Variants in SLC35F1 observed in about 807,000 individuals in gnomAD.
The protein encoded by SLC35F1 is solute carrier family 35 member F1.
SLC35F1 carries 14 observed loss-of-function variants against 48.7 expected under a neutral mutation model. The ratio of observed to expected loss-of-function variants is 0.29; its 90% confidence interval spans 0.19 to 0.45. SLC35F1 has a LOEUF of 0.45. Ranked by LOEUF, SLC35F1 falls within the 20% of genes least tolerant of loss-of-function variation. SLC35F1 has a pLI of 1.00. For missense variants in SLC35F1, 404 were observed against 500.0 expected (o/e 0.81, Z 1.83); for synonymous variants, 190 against 202.2 (o/e 0.94, Z 0.51).
chr6:118,191,915 T>C (rs891934229), intron 2 of SLC35F1, among the ~76,000 whole-genome samples: 2 of 152,214 alleles, frequency 1.3e-5, no homozygotes, highest in Admixed American at 1.3e-4. Context: ...AAACCAAATA[T>C]TGGTTATAAG....
rs1393590331 is a variant in SLC35F1 at position 118,290,927 on chromosome 6, T to C, written c.1002+5589T>C. ...CTCCTGCCTCAGCCTCCTAAGTAGC[T>C]GGGACTACAGGCACTCGCCACCATG... is the stretch of plus-strand genomic sequence containing the variant. On this transcript the variant is annotated intron_variant, in intron 7 of 7. Coordinates refer to ENST00000360388, the MANE Select transcript of SLC35F1 (RefSeq NM_001029858.4). 3.9e-5 allele frequency among the ~76,000 whole-genome samples: 6 copies of C among 152,150 alleles called. No individual in the cohort carries two copies. In the East Asian group the frequency reaches 1.2e-3, roughly 29 times the overall value.
chr6:118,291,325 T>C (rs1161343420), intron 7 of SLC35F1, among the ~76,000 whole-genome samples: 3 of 132,534 alleles, frequency 2.3e-5, no homozygotes, highest in Non-Finnish European at 4.9e-5. Context: ...TATATATATA[T>C]CTTTGGGAAG....
intron 2 of SLC35F1, among the ~76,000 whole-genome samples, chr6:118,168,872 G>A (rs912347775): frequency 3.3e-5 from 5 of 152,138 alleles, no homozygotes; most frequent in African/African-American, 7.2e-5. Flanking sequence ...GTGAAAACAC[G>A]GTGGAAGATA....
In SLC35F1 at chr6:118,306,233, G is replaced by T. The variant is rs553423799; in HGVS notation, c.1003-7795G>T. On this transcript the variant is annotated intron_variant, in intron 7 of 7. Coordinates refer to ENST00000360388, the MANE Select transcript of SLC35F1 (RefSeq NM_001029858.4). ...CTTTGTTCTGTCTTCCGGCAGAAGC[G>T]TTCTTCTCTCTGACCTTAAATTTTT... 1.6e-4 allele frequency among the ~76,000 whole-genome samples: 25 copies of T among 152,190 alleles called. No individual in the cohort carries two copies. In the East Asian group the frequency reaches 2.1e-3, roughly 13 times the overall value.
intron 1 of SLC35F1, among the ~76,000 whole-genome samples, chr6:118,139,856 C>G (rs1030911867): frequency 2.0e-5 from 3 of 152,094 alleles, no homozygotes; most frequent in Non-Finnish European, 4.4e-5. Context: ...ATCAAAGGAG[C>G]ATTAAATGGC....
chr6:118,268,007 C>T (rs980766000), intron 4 of SLC35F1, among the ~76,000 whole-genome samples: 1 of 152,134 alleles, frequency 6.6e-6, no homozygotes, highest in Admixed American at 6.5e-5. Flanking sequence ...GGAATTGCCC[C>T]TTCTTCTAGG....
At chr6:117,985,127 A>G (rs935264441) in intron 1 of SLC35F1, among the ~76,000 whole-genome samples, 1 of 152,354 alleles carries the variant, frequency 6.6e-6, no homozygotes, top group East Asian at 1.9e-4. Flanking sequence ...AGCTTTTGAT[A>G]CCACATATGT....
At chr6:118,022,450 G>A (rs2114885429) in intron 1 of SLC35F1, among the ~76,000 whole-genome samples, 1 of 152,288 alleles carries the variant, frequency 6.6e-6, no homozygotes, top group African/African-American at 2.4e-5. Flanking sequence ...GGGGAGCAAA[G>A]TGATGACATT....
chr6:118,113,981 A>G (rs1349665158), intron 1 of SLC35F1, among the ~76,000 whole-genome samples: 1 of 152,248 alleles, frequency 6.6e-6, no homozygotes, highest in Non-Finnish European at 1.5e-5. Flanking sequence ...TACTCAGCAT[A>G]ATGTGATACA....
chr6:118,236,684 T>C (rs1386958247), intron 3 of SLC35F1, among the ~76,000 whole-genome samples: 1 of 152,206 alleles, frequency 6.6e-6, no homozygotes, highest in African/African-American at 2.4e-5. Flanking sequence ...CATATGCACG[T>C]TGTGTTCCAA....
chr6:118,164,273 T>G (rs1418064355), intron 2 of SLC35F1, among the ~76,000 whole-genome samples: 1 of 152,212 alleles, frequency 6.6e-6, no homozygotes, highest in Non-Finnish European at 1.5e-5. Flanking sequence ...GGCCATTTTT[T>G]GTTTTACTAT....
chr6:118,087,513 G>GT (rs1262189033), intron 1 of SLC35F1, among the ~76,000 whole-genome samples: 1 of 151,876 alleles, frequency 6.6e-6, no homozygotes, highest in Non-Finnish European at 1.5e-5. Context: ...TTTGTTGTTT[G>GT]TTTAGCCTCT....
chr6:118,279,374 T>C (rs1271770444), intron 6 of SLC35F1, among the ~76,000 whole-genome samples: 1 of 152,208 alleles, frequency 6.6e-6, no homozygotes, highest in Non-Finnish European at 1.5e-5. Flanking sequence ...GCGTTTGGGA[T>C]GTGTTTACAC....
chr6:118,117,867 A>G (rs1167594624), intron 1 of SLC35F1, among the ~76,000 whole-genome samples: 1 of 152,148 alleles, frequency 6.6e-6, no homozygotes, highest in Non-Finnish European at 1.5e-5. Flanking sequence ...TTTTTCACTT[A>G]GCATATTTTT....
intron 1 of SLC35F1, chr6:117,999,081 A>T: frequency 6.5e-7 from 1 of 1,533,888 alleles, no homozygotes; most frequent in Non-Finnish European, 8.9e-7. Flanking sequence ...AAGGGGGTGG[A>T]CCCCAAGTTC....
chr6:118,297,681 GA>G (rs1399991704), intron 7 of SLC35F1, among the ~76,000 whole-genome samples: 3 of 111,272 alleles, frequency 2.7e-5, no homozygotes, highest in African/African-American at 1.3e-4. Flanking sequence ...TAAGTTCTGA[GA>G]AATATATATT....
At chr6:118,068,734 A>G (rs1196418226) in intron 1 of SLC35F1, among the ~76,000 whole-genome samples, 1 of 152,180 alleles carries the variant, frequency 6.6e-6, no homozygotes, top group South Asian at 2.1e-4. Flanking sequence ...CTAAGCGCCT[A>G]TGTTAAGCAT....
At chr6:118,138,108 A>C (rs1203613470) in intron 1 of SLC35F1, among the ~76,000 whole-genome samples, 1 of 152,082 alleles carries the variant, frequency 6.6e-6, no homozygotes, top group African/African-American at 2.4e-5. Flanking sequence ...AGGAGGTTCG[A>C]GACCAGCCTG....
In SLC35F1 at chr6:117,917,484, G is replaced by A. The variant is rs1028173939; in HGVS notation, c.173+9585G>A. On this transcript the variant is annotated intron_variant, in intron 1 of 7. Coordinates refer to ENST00000360388, the MANE Select transcript of SLC35F1 (RefSeq NM_001029858.4). ...AACAGAAGTGGAGACAAGCGGTTGT[G>A]ATCTGCAGTGGTTTGCACTGGGAGG... Among the ~76,000 whole-genome samples, 6 of 151,916 alleles carry A rather than the reference G, an allele frequency of 3.9e-5. No homozygotes were observed. The East Asian group carries it at 1.2e-3, about 29-fold the overall frequency.
Sources: gnomAD v4.1 joint callset for allele counts (sites outside exome capture counted in the v4.1 genomes callset) on GRCh38, gnomAD v4.1.1 for gene constraint, MANE v1.5 for transcripts, NCBI Gene and HGNC (gene_info 2026-07-23, HGNC 2026-07-21) for gene names.